GLG1: variants seen among roughly 807,000 people sequenced by gnomAD.
GLG1 encodes the protein golgi glycoprotein 1.
In GLG1, 38 loss-of-function variants were observed where a neutral mutation model predicts 160.5. The observed-to-expected ratio is 0.24, with a 90% CI of 0.18 to 0.31. The LOEUF is 0.31. GLG1 is among the 10% of genes least tolerant of loss of function. GLG1 has a pLI of 1.00. For synonymous variants in GLG1, 644 were observed against 543.4 expected (o/e 1.19, Z -2.57); for missense variants, 1,373 against 1,505.2 (o/e 0.91, Z 1.45).
chr16:74,503,790 C>G (rs751963279), intron 3 of GLG1, 44 bp from the exon 4 acceptor site: 4 of 1,190,196 alleles, frequency 3.4e-6, no homozygotes, highest in South Asian at 1.3e-5. Flanking sequence ...GTTCCATGCT[C>G]GTATCAAACA....
Position 74,463,068 on chromosome 16 carries a change from T to G in GLG1, c.2791+288A>C, listed in dbSNP as rs982641919. 8.4e-6 allele frequency: 4 copies of G among 473,790 alleles called. No homozygotes were observed. In the South Asian group the frequency reaches 1.3e-4, roughly 16 times the overall value. 29.3% of individuals were successfully genotyped at this position (473,790 alleles called of 1,614,324 possible). On this transcript the variant is annotated intron_variant, in intron 20 of 25. Transcript: ENST00000422840. ...CCCGTACATTCTCCTGGCACACTCA[T>G]GAAGTTTTATTGAATTTCTAGATTT...
intron 5 of GLG1, among the ~76,000 whole-genome samples, chr16:74,495,356 T>C (rs2016147902): frequency 6.6e-6 from 1 of 152,090 alleles, no homozygotes; most frequent in Non-Finnish European, 1.5e-5. Flanking sequence ...TCAAGTGATC[T>C]GCCTGCCTCG....
In GLG1 at chr16:74,451,840, T is replaced by C. The variant is rs996080413; in HGVS notation, c.*1327A>G. On this transcript the variant is annotated 3_prime_UTR_variant, in exon 26 of 26. Transcript: ENST00000422840. ...GAATGAGGCGGGATGGCCAAGAATA[T>C]TGCTTCTATAAAGCCCATATTCTGC... The C allele has an allele frequency of 1.9e-5, 10 of 513,118 alleles. No homozygotes were observed. The highest frequency in any genetic ancestry group is 3.5e-4 in the Middle Eastern group (1 of 2,844). The allele number at this position is 513,118 out of a possible 1,614,324, so 31.8% of individuals were successfully genotyped here.
chr16:74,595,362 C>G lies in GLG1; in HGVS notation c.438+11295G>C, dbSNP rs548816999. On this transcript the variant is annotated intron_variant, in intron 1 of 25. Transcript: ENST00000422840. ...ACCATCCTGGCTAACACGTTGAAAC[C>G]TGGTCTCTACTAAACATACAAAAAA... Among the ~76,000 whole-genome samples, 6 of 151,572 alleles carry G rather than the reference C, an allele frequency of 4.0e-5. No homozygotes were observed. In the East Asian group the frequency reaches 1.2e-3, roughly 30 times the overall value.
At chr16:74,498,948 GA>G (rs2016311563) in intron 4 of GLG1, among the ~76,000 whole-genome samples, 1 of 142,042 alleles carries the variant, frequency 7.0e-6, no homozygotes, top group African/African-American at 2.6e-5. Flanking sequence ...ATCAACCAAA[GA>G]ATGTATTTTT....
At chr16:74,497,434 CT>C (rs773526380) in intron 4 of GLG1, among the ~76,000 whole-genome samples, 1,174 of 117,114 alleles carry the variant, frequency 0.01, 5 homozygotes, top group African/African-American at 0.034. Context: ...ACAGTGCTTG[CT>C]TTTTTTTTTT....
At chr16:74,475,704 G>T (rs1052762737) in intron 12 of GLG1, among the ~76,000 whole-genome samples, 4 of 152,122 alleles carry the variant, frequency 2.6e-5, no homozygotes, top group African/African-American at 9.7e-5. Context: ...CTCTGTTAAA[G>T]GATCAAGTTT....
chr16:74,454,166 C>T (rs2014434080), intron 25 of GLG1, among the ~76,000 whole-genome samples: 1 of 151,824 alleles, frequency 6.6e-6, no homozygotes, highest in Non-Finnish European at 1.5e-5. Context: ...AGCCACTGCG[C>T]CCGGCCTTGT....
At chr16:74,471,911 C>CT (rs1567464605) in intron 14 of GLG1, among the ~76,000 whole-genome samples, 6 of 151,724 alleles carry the variant, frequency 4.0e-5, no homozygotes, top group African/African-American at 1.5e-4. Flanking sequence ...ATCTTGTTTA[C>CT]TTTTTCTTTT....
intron 2 of GLG1, among the ~76,000 whole-genome samples, chr16:74,520,511 C>A (rs547100816): frequency 6.6e-5 from 10 of 152,136 alleles, no homozygotes; most frequent in Non-Finnish European, 1.5e-4. Context: ...TGGCGCATGC[C>A]TGTAATCCCA....
intron 3 of GLG1, among the ~76,000 whole-genome samples, chr16:74,508,532 T>C (rs759501680): frequency 2.0e-5 from 3 of 152,196 alleles, no homozygotes; most frequent in Non-Finnish European, 2.9e-5. Flanking sequence ...ACCAGGCTGA[T>C]ATGCTTCAGA....
intron 1 of GLG1, among the ~76,000 whole-genome samples, chr16:74,542,748 A>AGGGAGGAAGGAAG (rs757162703): frequency 4.3e-5 from 1 of 23,284 alleles, no homozygotes; most frequent in South Asian, 1.3e-3. Flanking sequence ...GAAGGAAGGA[A>AGGGAGGAAGGAAG]GGAAGGAAGG....
At position 74,480,387 on chromosome 16, in the gene GLG1, G is replaced by A. The variant is rs1171415503; in HGVS notation, c.1681C>T (p.Pro561Ser). The change falls in exon 11 of 26, where the codon CCT becomes TCT. Residue 561 changes from proline to serine, a missense_variant. By Grantham distance (74) the Pro-to-Ser change is moderately conservative (BLOSUM62 -1). Coordinates refer to ENST00000422840, the MANE Select transcript of GLG1 (RefSeq NM_001145667.2). ...CCCTGGCACTTGCGGTACAGGACAG[G>A]GTCCAGCCTATAAGGTTAAGAGTTA... ...YFISRDWKLD[P>S]VLYRKCQGDA... is the part of the protein sequence containing the mutation. 4 of 1,610,058 alleles carry A rather than the reference G, an allele frequency of 2.5e-6. No individual in the cohort carries two copies. The highest frequency in any genetic ancestry group is 1.1e-5 in the South Asian group (1 of 90,766).
At chr16:74,514,489 C>T (rs2016916015) in intron 2 of GLG1, among the ~76,000 whole-genome samples, 1 of 152,210 alleles carries the variant, frequency 6.6e-6, no homozygotes, top group South Asian at 2.1e-4. Flanking sequence ...CAATATTCAA[C>T]ATTCTTAAAG....
chr16:74,529,906 G>A (rs935727109), intron 2 of GLG1, among the ~76,000 whole-genome samples: 7 of 127,750 alleles, frequency 5.5e-5, no homozygotes, highest in Admixed American at 1.0e-4. Context: ...CTATCTCCCC[G>A]GTTCAAGCGA....
chr16:74,576,071 T>C (rs111391894), intron 1 of GLG1, among the ~76,000 whole-genome samples: 2 of 152,024 alleles, frequency 1.3e-5, no homozygotes, highest in African/African-American at 4.8e-5. Flanking sequence ...ATGGTAGAGG[T>C]TGCCTGTAAT....
intron 1 of GLG1, among the ~76,000 whole-genome samples, chr16:74,599,536 T>A (rs148931559): frequency 0.019 from 2,901 of 152,152 alleles, 39 homozygotes; most frequent in Non-Finnish European, 0.027. Flanking sequence ...CTGGCCAACA[T>A]GGTGAAAACC....
At chr16:74,500,111 T>G (rs934141461) in intron 4 of GLG1, among the ~76,000 whole-genome samples, 1 of 152,198 alleles carries the variant, frequency 6.6e-6, no homozygotes, top group Admixed American at 6.6e-5. Context: ...CAGGAGTTCC[T>G]CGGAGTCTCT....
chr16:74,564,796 A>C (rs2018605006), intron 1 of GLG1, among the ~76,000 whole-genome samples: 1 of 152,248 alleles, frequency 6.6e-6, no homozygotes, highest in African/African-American at 2.4e-5. Flanking sequence ...TAAATGCAAC[A>C]TCATCAAATT....
Sources: gnomAD v4.1 joint callset for allele counts (sites outside exome capture counted in the v4.1 genomes callset) on GRCh38, gnomAD v4.1.1 for gene constraint, MANE v1.5 for transcripts, NCBI Gene and HGNC (gene_info 2026-07-23, HGNC 2026-07-21) for gene names.